ERICH6: variants seen among roughly 807,000 people sequenced by gnomAD.
ERICH6 encodes the protein glutamate rich 6.
ERICH6 carries 71 observed loss-of-function variants against 71.0 expected under a neutral mutation model. The observed-to-expected ratio is 1.00, with a 90% CI of 0.83 to 1.22. ERICH6 has a LOEUF of 1.22. Among genes scored for constraint, ERICH6 ranks in the 50% most tolerant of loss-of-function variants. ERICH6 has a pLI of 0.00. For synonymous variants in ERICH6, 262 were observed against 278.4 expected, an observed-to-expected ratio of 0.94 and a Z score of 0.59; for missense variants, 808 against 797.2, an observed-to-expected ratio of 1.01 and a Z score of -0.16.
rs113746092 is a variant in ERICH6, at chr3:150,682,301, T to A, written c.799A>T (p.Thr267Ser). 1,652 of 1,613,112 alleles carry A rather than the reference T, an allele frequency of 1.0e-3. 6 individuals are homozygous for A. The African/African-American group carries it at 0.016, about 16-fold the overall frequency. ...GINFKDEEEE[T>S]SPKCEFCGSD... Reference sequence around the variant, plus strand: ...CCACAAAATTCACATTTGGGTGATGTCTCCTCCTCTTCATCCTTCAGAGAG... The same window carrying A: ...CCACAAAATTCACATTTGGGTGATGACTCCTCCTCTTCATCCTTCAGAGAG... The change falls in exon 7 of 14, where the codon ACA becomes TCA. Residue 267 changes from threonine (T) to serine (S), a missense_variant. Coordinates refer to ENST00000295910, the MANE Select transcript of ERICH6 (RefSeq NM_152394.5).
chr3:150,682,784 C>G (rs1712021794), intron 6 of ERICH6, among the ~76,000 whole-genome samples: 1 of 152,092 alleles, frequency 6.6e-6, no homozygotes, highest in South Asian at 2.1e-4. Context: ...CTGTGTAGGC[C>G]AACATGTACA....
intron 11 of ERICH6, among the ~76,000 whole-genome samples, chr3:150,672,653 CT>C (rs112999157): frequency 0.2 from 29,269 of 146,624 alleles, 3,160 homozygotes; most frequent in East Asian, 0.46. Flanking sequence ...TTTCTCTTTT[CT>C]TTTTTTTTTT....
chr3:150,691,986 G>A (rs898201257), intron 3 of ERICH6, among the ~76,000 whole-genome samples: 1 of 152,032 alleles, frequency 6.6e-6, no homozygotes, highest in African/African-American at 2.4e-5. Context: ...GGAACAGATG[G>A]GCCTGTGAGA....
At chr3:150,675,641 A>C (rs1334982531) in intron 10 of ERICH6, among the ~76,000 whole-genome samples, 1 of 151,654 alleles carries the variant, frequency 6.6e-6, no homozygotes, top group Non-Finnish European at 1.5e-5. Context: ...AAGCCACTGC[A>C]CCTGACCTAG....
chr3:150,674,125 C>CTA, intron 10 of ERICH6, 84 bp from the exon 11 acceptor site: 1 of 1,072,218 alleles, frequency 9.3e-7, no homozygotes, highest in Admixed American at 2.0e-5. Flanking sequence ...CAGCTGGTTA[C>CTA]TAGACAGTCA....
chr3:150,665,875 T>C (rs1038854238), intron 13 of ERICH6, among the ~76,000 whole-genome samples: 1 of 151,730 alleles, frequency 6.6e-6, no homozygotes, highest in Non-Finnish European at 1.5e-5. Context: ...CCTTAAAGTT[T>C]AAGGGACCTG....
intron 3 of ERICH6, among the ~76,000 whole-genome samples, chr3:150,687,014 T>C (rs1712222370): frequency 6.6e-6 from 1 of 152,198 alleles, no homozygotes; most frequent in East Asian, 1.9e-4. Context: ...CTACTAAAAA[T>C]ACAAAAATTA....
chr3:150,678,741 T>C (rs1390962740), intron 9 of ERICH6, among the ~76,000 whole-genome samples, 187 bp from the exon 10 acceptor site: 1 of 152,048 alleles, frequency 6.6e-6, no homozygotes, highest in African/African-American at 2.4e-5. Context: ...CATTCCTTTG[T>C]TAAAAGAAGA....
At chr3:150,675,331 T>C (rs1353531708) in intron 10 of ERICH6, among the ~76,000 whole-genome samples, 3 of 152,192 alleles carry the variant, frequency 2.0e-5, no homozygotes, top group Non-Finnish European at 4.4e-5. Flanking sequence ...TTTTATAAAG[T>C]GATCCTCTTA....
chr3:150,683,354 TG>T (rs1173962518), intron 6 of ERICH6, among the ~76,000 whole-genome samples: 3 of 152,216 alleles, frequency 2.0e-5, no homozygotes, highest in Non-Finnish European at 2.9e-5. Context: ...GAAAGAGAGC[TG>T]GGCAATACCA....
chr3:150,680,249 A>G (rs1711848200), intron 9 of ERICH6, among the ~76,000 whole-genome samples: 1 of 152,178 alleles, frequency 6.6e-6, no homozygotes, highest in Non-Finnish European at 1.5e-5. Context: ...ATTATTTTTC[A>G]TAGAGACAGG....
intron 7 of ERICH6, among the ~76,000 whole-genome samples, 155 bp downstream of exon 7, chr3:150,682,063 C>T (rs547081356): frequency 6.6e-6 from 1 of 152,282 alleles, no homozygotes; most frequent in South Asian, 2.1e-4. Flanking sequence ...AATCCACCCA[C>T]CTCGGCCTCC....
At chr3:150,660,186 C>CA in intron 13 of ERICH6, 31 bp from the exon 14 acceptor site, 1 of 1,602,604 alleles carries the variant, frequency 6.2e-7, no homozygotes, top group South Asian at 1.1e-5. Context: ...GAAGGAAACT[C>CA]AGAGTCCAGA....
chr3:150,665,444 G>C (rs937340243), intron 13 of ERICH6, among the ~76,000 whole-genome samples: 1 of 150,708 alleles, frequency 6.6e-6, no homozygotes, highest in Non-Finnish European at 1.5e-5. Context: ...TTGAACCCGG[G>C]AGGCGGAGGT....
At chr3:150,678,382 C>T in intron 10 of ERICH6, 27 bp downstream of exon 10, 1 of 1,522,560 alleles carries the variant, frequency 6.6e-7, no homozygotes, top group South Asian at 1.3e-5. Flanking sequence ...TTTAAAATAG[C>T]AAGTAAAAAA....
intron 7 of ERICH6, among the ~76,000 whole-genome samples, chr3:150,681,886 C>T (rs1277952569): frequency 7.8e-6 from 1 of 128,900 alleles, no homozygotes; most frequent in Admixed American, 1.1e-4. Context: ...ACGATCTTGG[C>T]TCACTGCGAC....
At chr3:150,697,596 C>G (rs1559921400) in intron 3 of ERICH6, among the ~76,000 whole-genome samples, 2 of 152,102 alleles carry the variant, frequency 1.3e-5, no homozygotes, top group Non-Finnish European at 2.9e-5. Context: ...GCCTGTTGAT[C>G]ATTCCTGCCT....
At chr3:150,674,191 C>G (rs1467562961) in intron 10 of ERICH6, 150 bp from the exon 11 acceptor site, 2 of 595,048 alleles carry the variant, frequency 3.4e-6, no homozygotes, top group Admixed American at 3.2e-5. Context: ...GGAGACAACC[C>G]TTAGCAATTA....
intron 1 of ERICH6, 117 bp downstream of exon 1, chr3:150,703,379 G>C (rs1483747749): frequency 7.0e-7 from 1 of 1,438,274 alleles, no homozygotes; most frequent in Non-Finnish European, 9.1e-7. Flanking sequence ...AATGGTGCAT[G>C]CATTTAGAAA....
Sources: allele counts gnomAD v4.1 joint callset (sites outside exome capture counted in the v4.1 genomes callset), GRCh38; gene constraint gnomAD v4.1.1; transcripts MANE v1.5; gene names NCBI Gene and HGNC (gene_info 2026-07-23, HGNC 2026-07-21).